EIF3H: variants seen among roughly 807,000 people sequenced by gnomAD.
EIF3H encodes the protein eIF-3-gamma.
Under a neutral mutation model 44.2 loss-of-function variants are expected in EIF3H, and 26 were observed. That is an observed-to-expected ratio of 0.59 (90% CI 0.43 to 0.82). EIF3H has a LOEUF of 0.82. EIF3H is among the 40% of genes least tolerant of loss of function. EIF3H has a pLI of 0.00. For missense variants in EIF3H, 359 were observed against 432.8 expected (o/e 0.83, Z 1.51); for synonymous variants, 166 against 151.9 (o/e 1.09, Z -0.68).
At chr8:116,742,671 A>T (rs1386180229) in intron 1 of EIF3H, among the ~76,000 whole-genome samples, 1 of 152,222 alleles carries the variant, frequency 6.6e-6, no homozygotes, top group Non-Finnish European at 1.5e-5. Context: ...AGAAGGCAGG[A>T]CTTTAGGTGA....
chr8:116,764,824 C>CT (rs1322371151), intron 1 of EIF3H, among the ~76,000 whole-genome samples: 1 of 152,146 alleles, frequency 6.6e-6, no homozygotes, highest in Admixed American at 6.5e-5. Flanking sequence ...CGGCCGAAAA[C>CT]TTTGTTTTAA....
intron 2 of EIF3H, among the ~76,000 whole-genome samples, chr8:116,695,064 ATTC>A (rs1383096255): frequency 2.7e-5 from 4 of 149,538 alleles, no homozygotes; most frequent in African/African-American, 1.0e-4. Flanking sequence ...AAACTTCCTA[ATTC>A]TTTTTTTTTT....
At chr8:116,724,031 A>T (rs1474826732) in intron 2 of EIF3H, among the ~76,000 whole-genome samples, 5 of 152,236 alleles carry the variant, frequency 3.3e-5, no homozygotes, top group Admixed American at 6.5e-5. Context: ...TGAGATGAAC[A>T]AAATTTCTGA....
rs568592688 is a variant in EIF3H, at chr8:116,763,534, A to G, written c.-27+1981T>C. Among the ~76,000 whole-genome samples the G allele has an allele frequency of 1.2e-4, 18 of 152,356 alleles. No individual in the cohort carries two copies. In the East Asian group the frequency reaches 3.3e-3, roughly 28 times the overall value. On this transcript the variant is annotated intron_variant, in intron 1 of 9. Transcript: ENST00000276682. Reference sequence around the variant, plus strand: ...TCTGACCTTTGTAACACCTTCTGACATATTTGAAATTTCACAGTAAGGCAT... The same window carrying G: ...TCTGACCTTTGTAACACCTTCTGACGTATTTGAAATTTCACAGTAAGGCAT...
chr8:116,670,819 T>C (rs1391181069), intron 2 of EIF3H, among the ~76,000 whole-genome samples: 1 of 152,202 alleles, frequency 6.6e-6, no homozygotes, highest in Non-Finnish European at 1.5e-5. Context: ...CCTGTTACTT[T>C]TTGCAGTTTT....
rs1310737240 is a variant in EIF3H, at chr8:116,642,958, C to T, written c.*2048G>A. The stretch of plus-strand genomic sequence containing the variant: ...AAACAATCATAAAGAATTTAAGAAT[C>T]ACACCTTTAAAAACATATTGAATTG... On this transcript the variant is annotated 3_prime_UTR_variant, in exon 8 of 8. Coordinates refer to ENST00000521861, the MANE Select transcript of EIF3H (RefSeq NM_003756.3). The T allele has an allele frequency of 6.6e-6, 1 of 152,178 alleles. No homozygotes were observed. Among genetic ancestry groups the T allele is most frequent in the Non-Finnish European group, 1.5e-5 (1 of 68,036 alleles). The allele number at this position is 152,178 out of a possible 1,614,324, so 9.4% of individuals were successfully genotyped here.
At chr8:116,754,868 T>G (rs1815414555) in intron 1 of EIF3H, among the ~76,000 whole-genome samples, 1 of 152,210 alleles carries the variant, frequency 6.6e-6, no homozygotes. Context: ...TACTTTCTTA[T>G]TACAAATATC....
intron 2 of EIF3H, among the ~76,000 whole-genome samples, chr8:116,673,875 CCTGGCTAACATG>C (rs1439077788): frequency 6.6e-6 from 1 of 151,918 alleles, no homozygotes; most frequent in Non-Finnish European, 1.5e-5. Flanking sequence ...TGGAGACCAT[CCTGGCTAACATG>C]GTGAAACCCC....
rs562859984 is a variant in EIF3H, at chr8:116,660,714, G to GA, written c.290-1735dup. The stretch of plus-strand genomic sequence containing the variant: ...AGTGGGCTCATTTATTCATAAAAAG[G>GA]AAAAAAAGTGTTAATATAGAGGAAG... On this transcript the variant is annotated intron_variant, in intron 2 of 7. Transcript: ENST00000521861. Among the ~76,000 whole-genome samples the GA allele has an allele frequency of 8.5e-5, 13 of 152,100 alleles. 1 individual carries two copies. In the South Asian group the frequency reaches 2.7e-3, roughly 32 times the overall value.
chr8:116,755,527 G>T, intron 1 of EIF3H, 139 bp downstream of exon 1: 1 of 1,142,684 alleles, frequency 8.8e-7, no homozygotes, highest in Non-Finnish European at 1.2e-6. Context: ...AAGTGAAGAT[G>T]AAAGAGAAAC....
Position 116,692,677 on chromosome 8 carries a change from A to T in EIF3H, c.289+33339T>A, listed in dbSNP as rs78278945. Among the ~76,000 whole-genome samples the T allele has an allele frequency of 9.6e-3, 1,459 of 152,296 alleles. 19 individuals are homozygous for T. The highest frequency in any genetic ancestry group is 0.012 in the Non-Finnish European group (810 of 68,020). ...AACAAACCCCTTTCCTTCCACTCAG[A>T]TTATATTTTCACTTTATATTGTGGC... On this transcript the variant is annotated intron_variant, in intron 2 of 7. Transcript: ENST00000521861.
chr8:116,646,218 T>A (rs1165875631), intron 7 of EIF3H, among the ~76,000 whole-genome samples: 1 of 152,184 alleles, frequency 6.6e-6, no homozygotes, highest in East Asian at 1.9e-4. Flanking sequence ...AAAGGACTCA[T>A]TTTAGAAAGT....
intron 1 of EIF3H, among the ~76,000 whole-genome samples, chr8:116,728,127 A>C (rs1814883581): frequency 6.6e-6 from 1 of 152,206 alleles, no homozygotes; most frequent in Admixed American, 6.5e-5. Context: ...GATCATCAAC[A>C]CGACCAATAA....
chr8:116,660,245 T>C (rs1813564281), intron 2 of EIF3H, among the ~76,000 whole-genome samples: 2 of 152,238 alleles, frequency 1.3e-5, no homozygotes, highest in South Asian at 4.1e-4. Flanking sequence ...ACGTATTTGC[T>C]TAACTTGAAA....
intron 2 of EIF3H, among the ~76,000 whole-genome samples, chr8:116,671,365 C>G (rs1297425884): frequency 6.6e-6 from 1 of 152,150 alleles, no homozygotes; most frequent in Non-Finnish European, 1.5e-5. Context: ...ATCAGAGTAT[C>G]TGCAATGTTT....
chr8:116,671,718 A>C (rs1353114165), intron 2 of EIF3H, among the ~76,000 whole-genome samples: 2 of 152,210 alleles, frequency 1.3e-5, no homozygotes, highest in Non-Finnish European at 2.9e-5. Flanking sequence ...GGGTCTACTC[A>C]AATGCTTAAC....
At chr8:116,755,951 C>T (rs1381963931), upstream of EIF3H, 2 of 1,536,612 alleles carry the variant, frequency 1.3e-6, no homozygotes, top group African/African-American at 1.4e-5. Flanking sequence ...TCCAGTTTTA[C>T]CTTCTTTCCA....
chr8:116,700,558 A>C (rs1814357798), intron 2 of EIF3H, among the ~76,000 whole-genome samples: 3 of 152,128 alleles, frequency 2.0e-5, no homozygotes, highest in Admixed American at 6.5e-5. Context: ...TTAAGGGAAA[A>C]TCCTCTCTAC....
At chr8:116,741,662 T>C (rs1339232019) in intron 1 of EIF3H, among the ~76,000 whole-genome samples, 2 of 152,242 alleles carry the variant, frequency 1.3e-5, no homozygotes, top group Non-Finnish European at 2.9e-5. Flanking sequence ...GCCCACAGCC[T>C]GAATTTCTCA....
Sources: gnomAD v4.1 joint callset for allele counts (sites outside exome capture counted in the v4.1 genomes callset) on GRCh38, gnomAD v4.1.1 for gene constraint, MANE v1.5 for transcripts, NCBI Gene and HGNC (gene_info 2026-07-23, HGNC 2026-07-21) for gene names.